Variants in PIP5K1B observed in about 807,000 individuals in gnomAD.
PIP5K1B encodes phosphatidylinositol 4-phosphate 5-kinase type-1 beta.
Under a neutral mutation model 67.0 loss-of-function variants are expected in PIP5K1B, and 42 were observed. The observed-to-expected ratio is 0.63, with a 90% CI of 0.49 to 0.81. The LOEUF (loss-of-function observed/expected upper bound fraction) is 0.81, where lower values mean the gene tolerates loss of function less well. Among genes scored for constraint, PIP5K1B ranks in the 30% least tolerant of loss-of-function variants. The pLI, the probability that PIP5K1B is intolerant of heterozygous loss-of-function variation, is 0.00. For missense variants in PIP5K1B, 459 were observed against 646.3 expected, an observed-to-expected ratio of 0.71 and a Z score of 3.14; for synonymous variants, 214 against 231.4, an observed-to-expected ratio of 0.92 and a Z score of 0.68.
At chr9:68,805,316 A>G (rs1207040342) in intron 2 of PIP5K1B, among the ~76,000 whole-genome samples, 15 of 152,302 alleles carry the variant, frequency 9.8e-5, no homozygotes, top group Admixed American at 9.8e-4. Flanking sequence ...CAAGGCCTCG[A>G]ATACCTGGAG....
intron 1 of PIP5K1B, among the ~76,000 whole-genome samples, chr9:68,710,590 G>A (rs1041750274): frequency 6.6e-6 from 1 of 152,140 alleles, no homozygotes; most frequent in Non-Finnish European, 1.5e-5. Flanking sequence ...ATATAAAGGA[G>A]ATAATCACAC....
Position 68,723,695 on chromosome 9 carries a change from G to GTTTTTTTTTTT in PIP5K1B, c.-243+17945_-243+17955dup, listed in dbSNP as rs36021674. ...GCCCATTTTTTAATTGAAGTATTTGGTTTTTTTTTTTTTTTTTTTTTTGCT... is the reference window on the plus strand; with the variant it reads ...GCCCATTTTTTAATTGAAGTATTTGGTTTTTTTTTTTTTTTTTTTTTTTTTTTTTTTTTGCT... On this transcript the variant is annotated intron_variant, in intron 1 of 15. Coordinates refer to ENST00000265382, the MANE Select transcript of PIP5K1B (RefSeq NM_003558.4). 2.0e-3 allele frequency among the ~76,000 whole-genome samples: 99 copies of GTTTTTTTTTTT among 50,116 alleles called. 1 individual carries two copies. Among genetic ancestry groups the GTTTTTTTTTTT allele is most frequent in the Non-Finnish European group, 2.4e-3 (66 of 27,728 alleles). 32.9% of individuals were successfully genotyped at this position (50,116 alleles called of 152,430 possible).
chr9:68,710,509 A>G (rs1226467539), intron 1 of PIP5K1B, among the ~76,000 whole-genome samples: 2 of 152,192 alleles, frequency 1.3e-5, no homozygotes, highest in Non-Finnish European at 2.9e-5. Context: ...AGATTAGGTC[A>G]GGGAAAACAG....
chr9:68,924,142 C>T (rs1035858130), intron 12 of PIP5K1B, among the ~76,000 whole-genome samples: 12 of 148,854 alleles, frequency 8.1e-5, no homozygotes, highest in Admixed American at 1.3e-4. Flanking sequence ...AGGCCGGGCG[C>T]GGTAATCCTA....
intron 13 of PIP5K1B, among the ~76,000 whole-genome samples, chr9:68,938,422 C>T (rs1395847686): frequency 6.6e-6 from 1 of 152,078 alleles, no homozygotes; most frequent in Non-Finnish European, 1.5e-5. Context: ...GATTGCAACT[C>T]CTGCCATTTT....
At position 68,722,351 on chromosome 9, in the gene PIP5K1B, C is replaced by G. The variant is rs60324083; in HGVS notation, c.-243+16589C>G. Among the ~76,000 whole-genome samples, 372 of 152,114 alleles carry G rather than the reference C, an allele frequency of 2.4e-3. 14 individuals are homozygous for G. The East Asian group carries it at 0.068, about 28-fold the overall frequency. On this transcript the variant is annotated intron_variant, in intron 1 of 15. Coordinates refer to ENST00000265382, the MANE Select transcript of PIP5K1B (RefSeq NM_003558.4). ...TTCTGAGTAGCTGGGATTACAGGTG[C>G]CTGCCTCCGCGCCAGGCTAATTTTT... is the stretch of plus-strand genomic sequence containing the variant.
intron 14 of PIP5K1B, among the ~76,000 whole-genome samples, chr9:68,945,638 C>T (rs1827767496): frequency 1.3e-5 from 2 of 152,198 alleles, no homozygotes; most frequent in African/African-American, 4.8e-5. Context: ...GCCCTTTATA[C>T]ATATCAAGTG....
chr9:69,005,957 A>G (rs1344782505), intron 15 of PIP5K1B, among the ~76,000 whole-genome samples: 3 of 151,442 alleles, frequency 2.0e-5, no homozygotes, highest in Admixed American at 6.6e-5. Flanking sequence ...ATAGCTCACT[A>G]TAGCCTCAAA....
chr9:68,925,117 C>T (rs374502908), intron 12 of PIP5K1B, among the ~76,000 whole-genome samples: 14 of 149,284 alleles, frequency 9.4e-5, no homozygotes, highest in East Asian at 1.9e-4. Flanking sequence ...ATGAGTGTGA[C>T]GTAATCTAAT....
At chr9:68,854,228 T>C (rs1822653389) in intron 4 of PIP5K1B, among the ~76,000 whole-genome samples, 1 of 149,434 alleles carries the variant, frequency 6.7e-6, no homozygotes, top group Admixed American at 6.8e-5. Context: ...CCTCCTAGGC[T>C]CAAGCAATCC....
At chr9:68,940,225 A>G (rs888768473) in intron 13 of PIP5K1B, among the ~76,000 whole-genome samples, 21 of 152,162 alleles carry the variant, frequency 1.4e-4, no homozygotes, top group Admixed American at 1.1e-3. Context: ...CTTAGATCCA[A>G]CCTGAGAATC....
chr9:68,803,912 C>T (rs1832731345), intron 2 of PIP5K1B, among the ~76,000 whole-genome samples: 1 of 152,236 alleles, frequency 6.6e-6, no homozygotes, highest in Non-Finnish European at 1.5e-5. Context: ...CTGCTGTGTG[C>T]AAGGTATTCA....
chr9:68,969,195 C>T (rs984204647), intron 14 of PIP5K1B, among the ~76,000 whole-genome samples: 3 of 151,840 alleles, frequency 2.0e-5, no homozygotes, highest in Admixed American at 2.0e-4. Flanking sequence ...AGTGAAACCC[C>T]GTCTCTACTA....
intron 2 of PIP5K1B, among the ~76,000 whole-genome samples, chr9:68,815,444 T>G (rs7869452): frequency 6.6e-6 from 1 of 151,874 alleles, no homozygotes; most frequent in African/African-American, 2.4e-5. Flanking sequence ...AGAATGTACA[T>G]ATACACATGC....
At chr9:68,762,709 A>G (rs1830239157) in intron 2 of PIP5K1B, among the ~76,000 whole-genome samples, 1 of 152,082 alleles carries the variant, frequency 6.6e-6, no homozygotes. Context: ...TTTAGAGGAT[A>G]ATACATTGGT....
intron 4 of PIP5K1B, among the ~76,000 whole-genome samples, chr9:68,826,277 G>T (rs1833973232): frequency 6.6e-6 from 1 of 152,190 alleles, no homozygotes; most frequent in Non-Finnish European, 1.5e-5. Context: ...GGGCCAGGCA[G>T]CAAAGAAGGG....
At chr9:68,986,033 T>C (rs1196083513) in intron 14 of PIP5K1B, among the ~76,000 whole-genome samples, 1 of 152,230 alleles carries the variant, frequency 6.6e-6, no homozygotes, top group Admixed American at 6.5e-5. Context: ...TTCCACTTTC[T>C]GGCTACTATG....
At chr9:69,005,596 G>A (rs925967058) in intron 15 of PIP5K1B, among the ~76,000 whole-genome samples, 1 of 151,920 alleles carries the variant, frequency 6.6e-6, no homozygotes, top group Non-Finnish European at 1.5e-5. Flanking sequence ...GGCTGGTCTC[G>A]AACTCCTCCC....
rs112917365 is a variant in PIP5K1B at position 68,805,602 on chromosome 9, G to A, written c.-85-12859G>A. On this transcript the variant is annotated intron_variant, in intron 2 of 15. Transcript: ENST00000265382. ...TGAGGATTCCATACAGCTGGTGTGC[G>A]GCAGAGTCAATAGTGAAGCTGGGCA... Among the ~76,000 whole-genome samples the A allele has an allele frequency of 4.0e-3, 606 of 152,218 alleles. 3 individuals carry two copies. The highest frequency in any genetic ancestry group is 0.013 in the African/African-American group (556 of 41,530).
Sources: gnomAD v4.1 joint callset for allele counts (sites outside exome capture counted in the v4.1 genomes callset) on GRCh38, gnomAD v4.1.1 for gene constraint, MANE v1.5 for transcripts, NCBI Gene and HGNC (gene_info 2026-07-23, HGNC 2026-07-21) for gene names.